Variants in NBPF9 observed in about 807,000 individuals in gnomAD.
The protein encoded by NBPF9 is NBPF member 9.
NBPF9 carries 91 observed loss-of-function variants against 97.8 expected under a neutral mutation model. The observed-to-expected ratio is 0.93, with a 90% CI of 0.79 to 1.11. NBPF9 has a LOEUF of 1.11. NBPF9 is among the 50% of genes least tolerant of loss of function. The pLI is 0.00. For synonymous variants in NBPF9, 334 were observed against 359.5 expected (o/e 0.93, Z 0.80); for missense variants, 992 against 939.5 (o/e 1.06, Z -0.73).
At chr1:149,062,687 G>T (rs1575825578) in intron 21 of NBPF9, among the ~76,000 whole-genome samples, 175 bp downstream of exon 21, 1 of 151,296 alleles carries the variant, frequency 6.6e-6, no homozygotes, top group African/African-American at 2.4e-5. Context: ...TAAATGATAA[G>T]GGGAGGAAGA....
chr1:149,076,491 T>C (rs1553654387), intron 11 of NBPF9, among the ~76,000 whole-genome samples: 1 of 149,090 alleles, frequency 6.7e-6, no homozygotes, highest in African/African-American at 2.5e-5. Flanking sequence ...CCAGCGCCCC[T>C]GGTCAGAGAC....
chr1:149,058,803 C>T (rs1575822306), intron 26 of NBPF9, 122 bp downstream of exon 26: 16 of 688,394 alleles, frequency 2.3e-5, no homozygotes, highest in East Asian at 2.7e-5. Flanking sequence ...CCTATATGCG[C>T]CCATAGGTCC....
chr1:149,074,665 G>T (rs1281089783), intron 12 of NBPF9, among the ~76,000 whole-genome samples: 17 of 151,292 alleles, frequency 1.1e-4, no homozygotes, highest in Non-Finnish European at 1.8e-4. Context: ...CACGGTCCCT[G>T]CTCTGTACAC....
Position 149,055,561 on chromosome 1 carries a change from T to G in NBPF9, c.*95A>C, listed in dbSNP as rs1329222437. ...CATGCCCACTGACCCATCCTATGTC[T>G]GGGCTTCCAAATGGAACTGTACTTT... is the stretch of plus-strand genomic sequence containing the variant. On this transcript the variant is annotated 3_prime_UTR_variant, in exon 30 of 30. Coordinates refer to ENST00000584027, the Ensembl canonical transcript of NBPF9. 4.1e-4 allele frequency: 648 copies of G among 1,563,962 alleles called. 6 individuals are homozygous for G. Among genetic ancestry groups the G allele is most frequent in the Non-Finnish European group, 5.0e-4 (582 of 1,156,212 alleles).
chr1:149,060,258 C>G lies in NBPF9; in HGVS notation c.2476+265G>C, dbSNP rs2078512075. ...CAAAATCATAGTTCTCTGAATTTGT[C>G]ACATCTGCCCAGGTCCAATGTCATG... On this transcript the variant is annotated intron_variant, in intron 24 of 29. Transcript: ENST00000584027. 1.1e-5 allele frequency: 3 copies of G among 272,918 alleles called. 1 individual carries two copies. Among genetic ancestry groups the G allele is most frequent in the Non-Finnish European group, 2.1e-5 (3 of 143,544 alleles). 16.9% of individuals were successfully genotyped at this position (272,918 alleles called of 1,614,324 possible).
intron 4 of NBPF9, among the ~76,000 whole-genome samples, chr1:149,097,839 G>A (rs1414262082): frequency 1.3e-5 from 2 of 152,140 alleles, no homozygotes; most frequent in Non-Finnish European, 2.9e-5. Context: ...TTCCACTGTG[G>A]CCCATAAATT....
intron 5 of NBPF9, among the ~76,000 whole-genome samples, chr1:149,088,453 A>T (rs2152918744): frequency 6.6e-6 from 1 of 152,328 alleles, no homozygotes; most frequent in South Asian, 2.1e-4. Context: ...GAAGAGTAAC[A>T]ACAGGTATTC....
chr1:149,064,001 C>A (rs2078835527), intron 19 of NBPF9, among the ~76,000 whole-genome samples, 196 bp from the exon 20 acceptor site: 1 of 109,432 alleles, frequency 9.1e-6, no homozygotes, highest in Non-Finnish European at 1.9e-5. Flanking sequence ...AAGACACACA[C>A]ACACACACAG....
chr1:149,055,578 C>A (rs2078152148), exon 30 of NBPF9: 3 of 1,549,974 alleles, frequency 1.9e-6, no homozygotes, highest in South Asian at 1.2e-5. Flanking sequence ...CCAAATGGAA[C>A]TGTACTTTCA....
At chr1:149,084,959 A>C (rs1342519217) in intron 5 of NBPF9, among the ~76,000 whole-genome samples, 1 of 151,824 alleles carries the variant, frequency 6.6e-6, no homozygotes, top group Non-Finnish European at 1.5e-5. Context: ...TATCCATGGC[A>C]ATTTCATCAA....
chr1:149,095,431 A>T (rs1479247779), intron 4 of NBPF9, among the ~76,000 whole-genome samples: 2 of 144,784 alleles, frequency 1.4e-5, no homozygotes, highest in Admixed American at 1.4e-4. Flanking sequence ...CAAAACCAAA[A>T]GCACAATCTA....
intron 26 of NBPF9, chr1:149,058,608 A>C (rs1553649537): frequency 1.1e-5 from 3 of 265,978 alleles, no homozygotes; most frequent in Non-Finnish European, 1.4e-5. Context: ...ATTAGAATGA[A>C]GGAGGAAATC....
Position 149,064,736 on chromosome 1 carries a change from C to A in NBPF9, c.1802-254G>T, listed in dbSNP as rs587650369. On this transcript the variant is annotated intron_variant, in intron 18 of 29. Transcript: ENST00000584027. ...ATGTGCTCTGTCCTAGGTTTATGTA[C>A]ACAAATGCGCGATTTTTTTCCCCAA... 6.5e-4 allele frequency: 402 copies of A among 618,640 alleles called. 1 individual carries two copies. Among genetic ancestry groups the A allele is most frequent in the Admixed American group, 1.8e-3 (62 of 34,876 alleles). The allele number at this position is 618,640 out of a possible 1,614,324, so 38.3% of individuals were successfully genotyped here. A position where few individuals can be genotyped will look rare whatever the true frequency, so the allele number is the denominator to read the frequency against.
At chr1:149,077,442 G>A (rs782687854) in intron 10 of NBPF9, 23 bp from the exon 11 acceptor site, 3 of 1,605,672 alleles carry the variant, frequency 1.9e-6, no homozygotes, top group East Asian at 4.5e-5. Flanking sequence ...GTGGGACAGA[G>A]ATGACAGAAG....
At chr1:149,063,675 C>G in exon 20 of NBPF9, 2 of 612,572 alleles carry the variant, frequency 3.3e-6, no homozygotes, top group Non-Finnish European at 5.7e-6. Flanking sequence ...TGCTCCAATA[C>G]GTAAAAGGCA....
At chr1:149,078,817 C>CAAT (rs1440413498) in intron 9 of NBPF9, among the ~76,000 whole-genome samples, 190 bp downstream of exon 9, 5,947 of 149,308 alleles carry the variant, frequency 0.04, 425 homozygotes, top group African/African-American at 0.14. Flanking sequence ...GGGACACTTG[C>CAAT]AATACTGTGA....
At chr1:149,086,710 T>C (rs2081031130) in intron 5 of NBPF9, among the ~76,000 whole-genome samples, 2 of 151,570 alleles carry the variant, frequency 1.3e-5, no homozygotes, top group African/African-American at 2.4e-5. Context: ...AGGAAAACTT[T>C]CCAATTTTGA....
At chr1:149,089,115 C>G (rs1450424623) in intron 5 of NBPF9, among the ~76,000 whole-genome samples, 10 of 152,072 alleles carry the variant, frequency 6.6e-5, no homozygotes, top group Non-Finnish European at 1.5e-4. Context: ...CTTCCAGAAC[C>G]CTGTTGTTCT....
chr1:149,058,698 G>C lies in NBPF9; in HGVS notation c.2758+227C>G, dbSNP rs1289982802. On this transcript the variant is annotated intron_variant, in intron 26 of 29. Transcript: ENST00000584027. ...TCCAATGTGCTGAGAGCGGGCTCAGGTTGCCACAGGCATGGCTGGAGACTA... is the reference window on the plus strand; with the variant it reads ...TCCAATGTGCTGAGAGCGGGCTCAGCTTGCCACAGGCATGGCTGGAGACTA... 436 of 336,458 alleles carry C rather than the reference G, an allele frequency of 1.3e-3. 3 individuals carry two copies. The highest frequency in any genetic ancestry group is 7.4e-3 in the African/African-American group (192 of 26,072). 20.8% of individuals were successfully genotyped at this position (336,458 alleles called of 1,614,324 possible).
Sources: gnomAD v4.1 joint callset for allele counts (sites outside exome capture counted in the v4.1 genomes callset) on GRCh38, gnomAD v4.1.1 for gene constraint, MANE v1.5 for transcripts, NCBI Gene and HGNC (gene_info 2026-07-23, HGNC 2026-07-21) for gene names.